Variants in ZNF500 observed in about 807,000 individuals in gnomAD.
ZNF500 encodes zinc finger protein with KRAB and SCAN domains 18.
Under a neutral mutation model 30.1 loss-of-function variants are expected in ZNF500, and 31 were observed. The ratio of observed to expected loss-of-function variants is 1.03; its 90% CI spans 0.77 to 1.39. The LOEUF is 1.39. Among genes scored for constraint, ZNF500 ranks in the 40% most tolerant of loss-of-function variants. ZNF500 has a pLI of 0.00. For missense variants in ZNF500, 817 were observed against 657.8 expected (o/e 1.24, Z -2.65); for synonymous variants, 392 against 282.0 (o/e 1.39, Z -3.91).
At position 4,764,317 on chromosome 16, in the gene ZNF500, G is replaced by A. The variant is rs146854261; in HGVS notation, c.414+1248C>T. ...AAGGCAGGCAGATCACTTGAGGCCA[G>A]GAGTTTGAGACCAGCCTAGCCAACA... is the stretch of plus-strand genomic sequence containing the variant. On this transcript the variant is annotated intron_variant, in intron 2 of 5. Coordinates refer to ENST00000219478, the MANE Select transcript of ZNF500 (RefSeq NM_021646.4). Among the ~76,000 whole-genome samples, 972 of 151,642 alleles carry A rather than the reference G, an allele frequency of 6.4e-3. 14 individuals are homozygous for A. The highest frequency in any genetic ancestry group is 0.022 in the African/African-American group (920 of 41,304).
downstream of ZNF500, chr16:4,746,950 G>A (rs368690414): frequency 4.5e-6 from 7 of 1,562,208 alleles, no homozygotes; most frequent in African/African-American, 8.3e-5. Flanking sequence ...TCCTCTGACA[G>A]TGAGGAGGAG....
At position 4,765,714 on chromosome 16, in the gene ZNF500, T is replaced by C. The variant is rs1803818352; in HGVS notation, c.265A>G (p.Ile89Val). Residue 89 changes from isoleucine to valine, a missense_variant, in exon 2 of 6, where the codon ATC becomes GTC. Physicochemically the swap from Ile to Val is conservative, Grantham distance 29. Coordinates refer to ENST00000219478, the MANE Select transcript of ZNF500 (RefSeq NM_021646.4). ...LRPELRTKEQILELLVLEQFL... is the reference protein window; with the variant it reads ...LRPELRTKEQVLELLVLEQFL... ...TGCTCCAGCACCAGCAGCTCCAGGA[T>C]CTGCTCCTTGGTGCGCAGCTCCGGC... 1 of 1,613,496 alleles carries C rather than the reference T, an allele frequency of 6.2e-7. No homozygotes were observed. Among genetic ancestry groups the C allele is most frequent in the Non-Finnish European group, 8.5e-7 (1 of 1,179,942 alleles).
In ZNF500 at chr16:4,765,616, G is replaced by C. The variant is rs139085659; in HGVS notation, c.363C>G (p.Ala121=). Residue 121 remains alanine, a synonymous_variant, in exon 2 of 6, where the codon GCC becomes GCG. Transcript: ENST00000219478. ...REQQPESGEE[A]VVLVEGLQRK... ...GCTGCAGCCCTTCCACAAGGACCAC[G>C]GCCTCCTCACCGCTCTCCGGCTGCT... is the stretch of plus-strand genomic sequence containing the variant. 1 of 1,612,620 alleles carries C rather than the reference G, an allele frequency of 6.2e-7. No individual in the cohort carries two copies. Among genetic ancestry groups the C allele is most frequent in the African/African-American group, 1.3e-5 (1 of 74,882 alleles).
intron 5 of ZNF500, 83 bp downstream of exon 5, chr16:4,760,409 A>C: frequency 7.3e-7 from 1 of 1,374,264 alleles, no homozygotes; most frequent in East Asian, 2.3e-5. Flanking sequence ...CAACTGGACC[A>C]ACAGAACCAA....
downstream of ZNF500, chr16:4,746,370 T>G: frequency 1.2e-6 from 2 of 1,609,826 alleles, no homozygotes; most frequent in Non-Finnish European, 1.7e-6. Context: ...CTTTTCTCAT[T>G]TCAGATGTGC....
downstream of ZNF500, chr16:4,747,376 G>A (rs1396815973): frequency 1.2e-6 from 2 of 1,606,138 alleles, no homozygotes; most frequent in Non-Finnish European, 1.7e-6. Flanking sequence ...TTCTCCAGCA[G>A]CTCAGGGCCT....
chr16:4,761,196 G>A lies in ZNF500; in HGVS notation c.664-608C>T, dbSNP rs2082195225. ...TCACACCCGTAATCCCAGCACATTG[G>A]GAGGCCAAGGCAGGTGGATCATCTG... is the stretch of plus-strand genomic sequence containing the variant. On this transcript the variant is annotated intron_variant, in intron 4 of 5. Coordinates refer to ENST00000219478, the MANE Select transcript of ZNF500 (RefSeq NM_021646.4). Among the ~76,000 whole-genome samples, 4 of 152,012 alleles carry A rather than the reference G, an allele frequency of 2.6e-5. No homozygotes were observed. In the South Asian group the frequency reaches 8.3e-4, roughly 32 times the overall value.
At chr16:4,760,298 C>T (rs915699780) in intron 5 of ZNF500, among the ~76,000 whole-genome samples, 194 bp downstream of exon 5, 2 of 152,096 alleles carry the variant, frequency 1.3e-5, no homozygotes, top group African/African-American at 4.8e-5. Context: ...CAAGGCAGTG[C>T]TGGGCATCTG....
intron 1 of ZNF500, 123 bp from the exon 2 acceptor site, chr16:4,766,199 T>G: frequency 2.1e-6 from 1 of 468,314 alleles, no homozygotes; most frequent in Non-Finnish European, 3.7e-6. Context: ...GAAAAGGAAG[T>G]GGATGAATGT....
At chr16:4,757,342 TCA>T (rs1469572421) in intron 5 of ZNF500, among the ~76,000 whole-genome samples, 1 of 152,156 alleles carries the variant, frequency 6.6e-6, no homozygotes, top group African/African-American at 2.4e-5. Flanking sequence ...AGACAGAGTC[TCA>T]CTCTGTTGCC....
rs554395971 is a variant in ZNF500 at position 4,752,197 on chromosome 16, G to C, written c.*179C>G. On this transcript the variant is annotated 3_prime_UTR_variant, in exon 6 of 6. Coordinates refer to ENST00000219478, the MANE Select transcript of ZNF500 (RefSeq NM_021646.4). ...CAGAGCCTGTCCTTGCCCTTGTTCT[G>C]CACCCAGTGCCCAGCTTCCTCTGCG... The C allele has an allele frequency of 7.8e-6, 11 of 1,418,476 alleles. No homozygotes were observed. Among genetic ancestry groups the C allele is most frequent in the African/African-American group, 1.4e-5 (1 of 69,476 alleles). The allele number at this position is 1,418,476 out of a possible 1,614,324, so 87.9% of individuals were successfully genotyped here. A position where few individuals can be genotyped will look rare whatever the true frequency, so the allele number is the denominator to read the frequency against.
downstream of ZNF500, chr16:4,746,750 C>A: frequency 2.7e-6 from 2 of 752,054 alleles, no homozygotes; most frequent in Non-Finnish European, 4.2e-6. Flanking sequence ...CACGTCTAGG[C>A]TGGAGGGCAT....
intron 5 of ZNF500, among the ~76,000 whole-genome samples, chr16:4,756,117 G>C (rs2082131985): frequency 6.6e-6 from 1 of 152,192 alleles, no homozygotes; most frequent in Admixed American, 6.5e-5. Context: ...GTTTTTGAGG[G>C]CCAGGCCTGA....
intron 2 of ZNF500, chr16:4,763,938 A>G (rs2082235067): frequency 3.0e-6 from 3 of 985,360 alleles, no homozygotes; most frequent in South Asian, 4.7e-5. Context: ...GCTGGTCAGC[A>G]CTGCCCATGT....
downstream of ZNF500, chr16:4,746,507 A>G: frequency 6.2e-7 from 1 of 1,613,428 alleles, no homozygotes; most frequent in East Asian, 2.2e-5. Flanking sequence ...ACCTGTCCCC[A>G]GAAAGGTCCG....
At chr16:4,757,534 G>A (rs570275151) in intron 5 of ZNF500, among the ~76,000 whole-genome samples, 1 of 151,802 alleles carries the variant, frequency 6.6e-6, no homozygotes, top group Non-Finnish European at 1.5e-5. Context: ...TCCTGGACTC[G>A]AGCAATCCAC....
intron 2 of ZNF500, 102 bp downstream of exon 2, chr16:4,765,463 G>A (rs2082253677): frequency 6.8e-7 from 1 of 1,476,604 alleles, no homozygotes; most frequent in Admixed American, 2.3e-5. Context: ...TCAGGGGCCA[G>A]GCAGCCACAC....
Position 4,752,649 on chromosome 16 carries a change from G to A in ZNF500, c.1170C>T (p.Phe390=), listed in dbSNP as rs780268937. Residue 390 remains phenylalanine, a synonymous_variant, in exon 6 of 6, where the codon TTC becomes TTT. Transcript: ENST00000219478. ...PYPCPECGKR[F]SQSSSLVIHR... is the part of the protein sequence containing the mutation. ...GGATGACCAGGCTGGAGCTCTGGCT[G>A]AAGCGCTTCCCACACTCGGGGCACG... The A allele has an allele frequency of 1.1e-5, 17 of 1,612,668 alleles. No homozygotes were observed. In the African/African-American group the frequency reaches 1.6e-4, roughly 15 times the overall value.
chr16:4,766,758 G>C (rs896072904), intron 1 of ZNF500, among the ~76,000 whole-genome samples: 1 of 152,176 alleles, frequency 6.6e-6, no homozygotes, highest in African/African-American at 2.4e-5. Flanking sequence ...GCCTCAACTT[G>C]ATCCCCGGTG....
Sources: gnomAD v4.1 joint callset for allele counts (sites outside exome capture counted in the v4.1 genomes callset) on GRCh38, gnomAD v4.1.1 for gene constraint, MANE v1.5 for transcripts, NCBI Gene and HGNC (gene_info 2026-07-23, HGNC 2026-07-21) for gene names.